Variants in TNNI3K observed in about 807,000 individuals in gnomAD.
The protein encoded by TNNI3K is serine/threonine-protein kinase TNNI3K.
TNNI3K carries 140 observed loss-of-function variants against 114.5 expected under a neutral mutation model. That is an observed-to-expected ratio of 1.22 (90% confidence interval 1.07 to 1.41). TNNI3K has a LOEUF of 1.41. Among genes scored for constraint, TNNI3K ranks in the 40% most tolerant of loss-of-function variants. The pLI, the probability that TNNI3K is intolerant of heterozygous loss-of-function variation, is 0.00. For synonymous variants in TNNI3K, 347 were observed against 347.5 expected (o/e 1.00, Z 0.02); for missense variants, 1,125 against 1,007.6 (o/e 1.12, Z -1.58).
At chr1:74,481,042 G>T in intron 21 of TNNI3K, 3 of 628,360 alleles carry the variant, frequency 4.8e-6, no homozygotes, top group Non-Finnish European at 8.7e-6. Context: ...GGAGAGCAGA[G>T]AATCAATATC....
At chr1:74,364,704 A>AG (rs1308941400) in intron 11 of TNNI3K, among the ~76,000 whole-genome samples, 1 of 151,938 alleles carries the variant, frequency 6.6e-6, no homozygotes, top group Non-Finnish European at 1.5e-5. Context: ...AATATGGAAA[A>AG]GGGGGGCAGA....
chr1:74,352,456 C>T (rs1661411251), intron 9 of TNNI3K, among the ~76,000 whole-genome samples: 1 of 152,200 alleles, frequency 6.6e-6, no homozygotes, highest in African/African-American at 2.4e-5. Flanking sequence ...TCTCAGATCT[C>T]AAGCTGCATG....
At position 74,369,049 on chromosome 1, in the gene TNNI3K, C is replaced by G. The variant is rs1365720705; in HGVS notation, c.1349C>G (p.Ala450Gly). ...AAGGCAGATATTCTCCTCCTAAGAG[C>G]TGGATTGCCTTCACATTTCCATCTT... ...KEKADILLLRAGLPSHFHLQL... is the reference protein window; with the variant it reads ...KEKADILLLRGGLPSHFHLQL... Residue 450 changes from alanine to glycine, a missense_variant, in exon 14 of 25, where the codon GCT (alanine) becomes GGT (glycine). Transcript: ENST00000326637. 6.2e-7 allele frequency: 1 copy of G among 1,608,602 alleles called. No individual in the cohort carries two copies. Among genetic ancestry groups the G allele is most frequent in the East Asian group, 2.2e-5 (1 of 44,730 alleles).
chr1:74,293,164 T>C (rs1027427747), intron 5 of TNNI3K, among the ~76,000 whole-genome samples: 1 of 151,722 alleles, frequency 6.6e-6, no homozygotes, highest in Non-Finnish European at 1.5e-5. Context: ...AAAGATTAAT[T>C]CACTTTTATT....
intron 23 of TNNI3K, among the ~76,000 whole-genome samples, chr1:74,502,394 T>C (rs1669677860): frequency 6.6e-6 from 1 of 152,188 alleles, no homozygotes; most frequent in African/African-American, 2.4e-5. Flanking sequence ...ATGGTTTCTA[T>C]TTTTTAGATA....
intron 5 of TNNI3K, among the ~76,000 whole-genome samples, chr1:74,290,588 C>A (rs1400299987): frequency 6.6e-6 from 1 of 151,694 alleles, no homozygotes. Flanking sequence ...GGACACTATG[C>A]TATCATTAAA....
At chr1:74,416,305 A>G (rs1665112206) in intron 17 of TNNI3K, 1 of 985,268 alleles carries the variant, frequency 1.0e-6, no homozygotes, top group Non-Finnish European at 1.2e-6. Context: ...ATGTCATTGT[A>G]GGCACTACCA....
chr1:74,335,628 A>G (rs1660424511), intron 6 of TNNI3K, among the ~76,000 whole-genome samples: 1 of 152,064 alleles, frequency 6.6e-6, no homozygotes, highest in Non-Finnish European at 1.5e-5. Context: ...GACTGAAGAG[A>G]TATGGGAAGA....
rs1241181108 is a variant in TNNI3K, at chr1:74,369,795, G to A, written c.1667+210G>A. 11 of 540,222 alleles carry A rather than the reference G, an allele frequency of 2.0e-5. No homozygotes were observed. The East Asian group carries it at 3.3e-4, about 16-fold the overall frequency. The allele number at this position is 540,222 out of a possible 1,614,324, so 33.5% of individuals were successfully genotyped here. On this transcript the variant is annotated intron_variant, in intron 16 of 24. Transcript: ENST00000326637. ...TTTATGCTTTCTTAGCAGAAATTCA[G>A]TTGAAGATAACAAATTTAAGGAATT... is the stretch of plus-strand genomic sequence containing the variant.
At chr1:74,247,873 C>T (rs746111755) in intron 2 of TNNI3K, among the ~76,000 whole-genome samples, 8 of 152,314 alleles carry the variant, frequency 5.3e-5, no homozygotes, top group African/African-American at 1.2e-4. Flanking sequence ...CAGGCGGAGC[C>T]GCCTGCCAGT....
At chr1:74,236,346 A>C (rs747286428) in intron 2 of TNNI3K, 136 bp downstream of exon 2, 3 of 640,116 alleles carry the variant, frequency 4.7e-6, no homozygotes, top group Non-Finnish European at 7.6e-6. Flanking sequence ...AGGATGTCAG[A>C]TTATCTCTCT....
intron 7 of TNNI3K, among the ~76,000 whole-genome samples, chr1:74,337,228 T>G (rs1201520001): frequency 6.6e-6 from 1 of 152,074 alleles, no homozygotes; most frequent in Non-Finnish European, 1.5e-5. Flanking sequence ...TTGTTTGAGT[T>G]CATTGTAGAT....
chr1:74,483,186 C>A, intron 21 of TNNI3K: 1 of 697,104 alleles, frequency 1.4e-6, no homozygotes, highest in Non-Finnish European at 2.7e-6. Flanking sequence ...AGAGAACAGT[C>A]AGTACAATGA....
intron 23 of TNNI3K, among the ~76,000 whole-genome samples, chr1:74,496,415 T>C (rs1669328146): frequency 2.0e-5 from 3 of 152,158 alleles, no homozygotes; most frequent in African/African-American, 7.2e-5. Context: ...TAGTATAGCA[T>C]TATGATTTTG....
At chr1:74,306,926 T>G (rs1345312149) in intron 5 of TNNI3K, among the ~76,000 whole-genome samples, 2 of 152,188 alleles carry the variant, frequency 1.3e-5, no homozygotes, top group Admixed American at 1.3e-4. Flanking sequence ...TAATCATAAA[T>G]TATTTGCCTA....
At chr1:74,504,561 AGAG>A (rs1318674488) in intron 23 of TNNI3K, among the ~76,000 whole-genome samples, 11 of 152,310 alleles carry the variant, frequency 7.2e-5, no homozygotes, top group South Asian at 2.1e-4. Context: ...TCTGTTCAAA[AGAG>A]GAGGTGATGA....
At chr1:74,320,537 A>G (rs1042872149) in intron 5 of TNNI3K, among the ~76,000 whole-genome samples, 1 of 152,246 alleles carries the variant, frequency 6.6e-6, no homozygotes, top group East Asian at 1.9e-4. Context: ...GGTTTTATTA[A>G]TGAAGGAGTT....
chr1:74,471,184 T>A, intron 21 of TNNI3K: 1 of 400,676 alleles, frequency 2.5e-6, no homozygotes, highest in Non-Finnish European at 4.4e-6. Flanking sequence ...TACACGCAAG[T>A]TGTTAGCACT....
intron 17 of TNNI3K, among the ~76,000 whole-genome samples, chr1:74,430,006 G>T (rs941160792): frequency 2.0e-5 from 3 of 152,048 alleles, no homozygotes; most frequent in African/African-American, 7.2e-5. Context: ...GTTTTTGTTA[G>T]TAACAACTGA....
Sources: gnomAD v4.1 joint callset for allele counts (sites outside exome capture counted in the v4.1 genomes callset) on GRCh38, gnomAD v4.1.1 for gene constraint, MANE v1.5 for transcripts, NCBI Gene and HGNC (gene_info 2026-07-23, HGNC 2026-07-21) for gene names.